ADGRV1: variants seen among roughly 807,000 people sequenced by gnomAD.
ADGRV1 encodes the protein G-protein coupled receptor 98.
ADGRV1 carries 359 observed loss-of-function variants against 596.2 expected under a neutral mutation model. The ratio of observed to expected loss-of-function variants is 0.60; its 90% CI spans 0.55 to 0.66. ADGRV1 has a LOEUF of 0.66. Among genes scored for constraint, ADGRV1 ranks in the 30% least tolerant of loss-of-function variants. ADGRV1 has a pLI of 0.00. For synonymous variants in ADGRV1, 2,681 were observed against 2,679.2 expected, an observed-to-expected ratio of 1.00 and a Z score of -0.02; for missense variants, 7,274 against 7,575.6, an observed-to-expected ratio of 0.96 and a Z score of 1.48.
At chr5:90,813,665 A>G (rs938048309) in intron 74 of ADGRV1, among the ~76,000 whole-genome samples, 2 of 152,166 alleles carry the variant, frequency 1.3e-5, no homozygotes, top group African/African-American at 2.4e-5. Flanking sequence ...TGGCCTGACT[A>G]CACCACCAGG....
At chr5:90,882,465 A>G (rs1179195050) in intron 83 of ADGRV1, among the ~76,000 whole-genome samples, 1 of 152,232 alleles carries the variant, frequency 6.6e-6, no homozygotes, top group African/African-American at 2.4e-5. Context: ...ATACATCCAG[A>G]TCATTTCAAA....
Position 90,711,294 on chromosome 5 carries a change from TG to T in ADGRV1, c.9018del (p.Leu3007TrpfsTer8). Reference sequence around the variant, plus strand: ...TATGCTCAGAATTTGGAAGCACAAGTGGGGCTGGATTATATCTTCACCCCAA... The same window carrying T: ...TATGCTCAGAATTTGGAAGCACAAGTGGGCTGGATTATATCTTCACCCCAA... ...FVYAQNLEAQ[V>X]GLDYIFTPMI... is the part of the protein sequence containing the mutation. On this transcript the variant is annotated frameshift_variant, in exon 41 of 90. Coordinates refer to ENST00000405460, the MANE Select transcript of ADGRV1 (RefSeq NM_032119.4). LOFTEE classifies it high-confidence loss of function. The T allele has an allele frequency of 6.2e-7, 1 of 1,612,462 alleles. No homozygotes were observed. Among genetic ancestry groups the T allele is most frequent in the Non-Finnish European group, 8.5e-7 (1 of 1,179,208 alleles).
intron 84 of ADGRV1, among the ~76,000 whole-genome samples, chr5:90,984,809 C>T (rs77963806): frequency 0.019 from 2,861 of 152,160 alleles, 95 homozygotes; most frequent in African/African-American, 0.066. Context: ...TCTCTCTGTG[C>T]GATCATTTTC....
intron 57 of ADGRV1, among the ~76,000 whole-genome samples, chr5:90,757,698 T>C (rs1755986541): frequency 6.6e-6 from 1 of 152,192 alleles, no homozygotes; most frequent in Non-Finnish European, 1.5e-5. Flanking sequence ...GGCTAACCAG[T>C]CTTAAATATT....
Position 90,783,968 on chromosome 5 carries a change from C to G in ADGRV1, c.13564C>G (p.Gln4522Glu). 6.2e-7 allele frequency: 1 copy of G among 1,612,262 alleles called. No individual in the cohort carries two copies. Among genetic ancestry groups the G allele is most frequent in the Non-Finnish European group, 8.5e-7 (1 of 1,179,158 alleles). ...CTTTGGAGTTATAAGGTTTCTCAAT[C>G]AAAGCAAAATTTCTATTGCTAATCC... ...SPFGVIRFLN[Q>E]SKISIANPNS... Residue 4522 changes from glutamine (Q) to glutamate (E), a missense_variant, in exon 67 of 90, where the codon CAA (glutamine) becomes GAA (glutamate). Transcript: ENST00000405460.
At position 90,615,003 on chromosome 5, in the gene ADGRV1, T is replaced by G. The variant is rs1427972175; in HGVS notation, c.191T>G (p.Val64Gly). ...GAAAGGATAGGAGAGCCAGCAAATG[T>G]TACTGCAATTGTATCGGTAAGAAAT... ...IIERIGEPAN[V>G]TAIVSLYGED... The change falls in exon 2 of 90, where the codon GTT (valine) becomes GGT (glycine). Residue 64 changes from valine to glycine, a missense_variant. Around this residue, in one of 5 missense-constraint regions of ADGRV1, gnomAD observed 1,715 missense variants for 1,708.8 expected, o/e 1.00. Transcript: ENST00000405460. 5 of 1,463,896 alleles carry G rather than the reference T, an allele frequency of 3.4e-6. No homozygotes were observed. The highest frequency in any genetic ancestry group is 4.5e-6 in the Non-Finnish European group (5 of 1,099,370). 90.7% of individuals were successfully genotyped at this position (1,463,896 alleles called of 1,614,324 possible). A position where few individuals can be genotyped will look rare whatever the true frequency, so the allele number is the denominator to read the frequency against.
At chr5:91,161,514 T>TG (rs971911336) in intron 89 of ADGRV1, among the ~76,000 whole-genome samples, 1 of 150,366 alleles carries the variant, frequency 6.7e-6, no homozygotes, top group South Asian at 2.1e-4. Context: ...GTTAGTTTTT[T>TG]TTTTTTTTTT....
chr5:90,617,663 AT>A, intron 2 of ADGRV1, 140 bp from the exon 3 acceptor site: 2 of 643,592 alleles, frequency 3.1e-6, no homozygotes. Flanking sequence ...AATATTTATG[AT>A]TTTTGTTTTT....
At chr5:90,566,537 A>G (rs1322512042) in intron 1 of ADGRV1, among the ~76,000 whole-genome samples, 1 of 151,832 alleles carries the variant, frequency 6.6e-6, no homozygotes, top group Non-Finnish European at 1.5e-5. Flanking sequence ...AGTCTTGATT[A>G]TTTTACATAT....
chr5:90,624,144 T>TA (rs1183048660), intron 5 of ADGRV1, among the ~76,000 whole-genome samples: 1 of 152,186 alleles, frequency 6.6e-6, no homozygotes, highest in African/African-American at 2.4e-5. Context: ...ATATGGTAGT[T>TA]ATGTTAACTA....
At chr5:91,110,322 C>T (rs918864052) in intron 87 of ADGRV1, among the ~76,000 whole-genome samples, 2 of 152,140 alleles carry the variant, frequency 1.3e-5, no homozygotes, top group East Asian at 3.9e-4. Flanking sequence ...TTGAAAATAG[C>T]TACTGTCCAA....
At chr5:90,592,070 CTT>C (rs1759571950) in intron 1 of ADGRV1, among the ~76,000 whole-genome samples, 1 of 152,170 alleles carries the variant, frequency 6.6e-6, no homozygotes, top group Non-Finnish European at 1.5e-5. Context: ...GTGGAGATTC[CTT>C]AAAAGTAGAT....
intron 83 of ADGRV1, among the ~76,000 whole-genome samples, chr5:90,937,157 A>AT (rs928170082): frequency 2.0e-5 from 3 of 151,924 alleles, no homozygotes; most frequent in Non-Finnish European, 4.4e-5. Context: ...TTTGATCCTT[A>AT]TTTTTTCTAC....
chr5:90,603,094 G>T (rs1369296727), intron 1 of ADGRV1, among the ~76,000 whole-genome samples: 24 of 152,300 alleles, frequency 1.6e-4, no homozygotes, highest in Admixed American at 1.6e-3. Context: ...ACATGTAGCT[G>T]GGAGGGTAGG....
chr5:90,675,579 C>G (rs925236177), intron 24 of ADGRV1, 134 bp downstream of exon 24: 1 of 876,362 alleles, frequency 1.1e-6, no homozygotes, highest in African/African-American at 1.7e-5. Flanking sequence ...GAGGCAAAGG[C>G]GAGAGGATTG....
At chr5:90,841,079 G>C in intron 78 of ADGRV1, 94 bp downstream of exon 78, 1 of 814,516 alleles carries the variant, frequency 1.2e-6, no homozygotes, top group Non-Finnish European at 1.8e-6. Context: ...TTTAACATTG[G>C]TTATTATGAA....
chr5:90,691,257 A>G lies in ADGRV1; in HGVS notation c.6951+216A>G, dbSNP rs77168978. ...ATACATATGCCAGTTTACTACTATA[A>G]GACTTTTTTGTACAATTAACTTGCA... On this transcript the variant is annotated intron_variant, in intron 31 of 89. Transcript: ENST00000405460. 4.1e-3 allele frequency: 2,548 copies of G among 616,942 alleles called. 53 individuals carry two copies. The African/African-American group carries it at 0.042, about 10-fold the overall frequency. 38.2% of individuals were successfully genotyped at this position (616,942 alleles called of 1,614,324 possible).
intron 79 of ADGRV1, among the ~76,000 whole-genome samples, chr5:90,852,849 A>G (rs1411546100): frequency 1.3e-5 from 2 of 152,198 alleles, no homozygotes; most frequent in Non-Finnish European, 2.9e-5. Flanking sequence ...TGTTGAAAAC[A>G]TGGGCCTGGA....
chr5:90,885,223 A>C (rs1340560651), intron 83 of ADGRV1, among the ~76,000 whole-genome samples: 2 of 152,172 alleles, frequency 1.3e-5, no homozygotes, highest in East Asian at 3.9e-4. Context: ...CTTGTTGTTC[A>C]AGATGTTTTT....
Sources: gnomAD v4.1 joint callset for allele counts (sites outside exome capture counted in the v4.1 genomes callset) on GRCh38, gnomAD v4.1.1 for gene constraint, gnomAD v4.1.1 regional missense constraint, MANE v1.5 for transcripts, NCBI Gene and HGNC (gene_info 2026-07-23, HGNC 2026-07-21) for gene names.